The following FGF14 variants were observed in gnomAD, a reference collection of about 807,000 sequenced individuals.
FGF14 encodes fibroblast growth factor homologous factor 4.
Under a neutral mutation model 25.5 loss-of-function variants are expected in FGF14, and 5 were observed. The ratio of observed to expected loss-of-function variants is 0.20; its 90% CI spans 0.10 to 0.41. FGF14 has a LOEUF of 0.41. Ranked by LOEUF, FGF14 falls within the 10% of genes least tolerant of loss-of-function variation. FGF14 has a pLI of 1.00. For missense variants in FGF14, 222 were observed against 320.1 expected (o/e 0.69, Z 2.34); for synonymous variants, 138 against 118.3 (o/e 1.17, Z -1.08).
At chr13:101,772,342 CTGAA>C (rs1288727205) in intron 3 of FGF14, among the ~76,000 whole-genome samples, 1 of 152,008 alleles carries the variant, frequency 6.6e-6, no homozygotes, top group East Asian at 1.9e-4. Flanking sequence ...CAAATCGTCT[CTGAA>C]TGGAAAAATA....
chr13:102,048,835 C>T (rs567732643), intron 1 of FGF14, among the ~76,000 whole-genome samples: 2 of 152,264 alleles, frequency 1.3e-5, no homozygotes, highest in African/African-American at 4.8e-5. Context: ...CTTTGCTTCC[C>T]CAGCTATGGA....
chr13:101,722,646 T>G lies in FGF14; in HGVS notation c.*185A>C, dbSNP rs1490073656. Reference sequence around the variant, plus strand: ...AGTTTAGCTGGTTATCCAGGTGTCTTCTTGTTGTGGGGGGTGCAACAGGTT... The same window carrying G: ...AGTTTAGCTGGTTATCCAGGTGTCTGCTTGTTGTGGGGGGTGCAACAGGTT... On this transcript the variant is annotated 3_prime_UTR_variant, in exon 5 of 5. Transcript: ENST00000376143. 6.9e-6 allele frequency: 5 copies of G among 727,398 alleles called. No individual in the cohort carries two copies. The African/African-American group carries it at 8.8e-5, about 13-fold the overall frequency. The allele number at this position is 727,398 out of a possible 1,614,324, so 45.1% of individuals were successfully genotyped here.
At chr13:102,103,467 A>ATTTT (rs10679328) in intron 1 of FGF14, among the ~76,000 whole-genome samples, 2 of 151,666 alleles carry the variant, frequency 1.3e-5, no homozygotes, top group African/African-American at 4.8e-5. Flanking sequence ...TGAGCCCCTG[A>ATTTT]TTTTTTTTGT....
intron 2 of FGF14, among the ~76,000 whole-genome samples, chr13:101,869,467 A>T (rs771045458): frequency 6.6e-6 from 1 of 152,194 alleles, no homozygotes; most frequent in Non-Finnish European, 1.5e-5. Context: ...CATTTTATAT[A>T]TTTTTGCATA....
Position 102,022,459 on chromosome 13 carries a change from T to C in FGF14, c.209-147163A>G, listed in dbSNP as rs371820551. On this transcript the variant is annotated intron_variant, in intron 1 of 4. Transcript: ENST00000376131. ...AAACTCGCTCAAAGAGATGGCATTA[T>C]CAACCTCCCTTTTTTGTTGCTGTTT... Among the ~76,000 whole-genome samples, 11 of 152,216 alleles carry C rather than the reference T, an allele frequency of 7.2e-5. No individual in the cohort carries two copies. In the South Asian group the frequency reaches 1.9e-3, roughly 26 times the overall value.
intron 1 of FGF14, among the ~76,000 whole-genome samples, chr13:102,297,018 G>T (rs1466961004): frequency 1.3e-5 from 2 of 152,048 alleles, no homozygotes; most frequent in Non-Finnish European, 2.9e-5. Context: ...AACAAAAAAA[G>T]TAATTTTACA....
chr13:102,399,094 C>T (rs533332461), intron 1 of FGF14, among the ~76,000 whole-genome samples: 32 of 151,972 alleles, frequency 2.1e-4, no homozygotes, highest in African/African-American at 7.2e-4. Flanking sequence ...TCATTTGTTC[C>T]ACAGTTTCCA....
chr13:101,972,708 T>A (rs1372966056), intron 1 of FGF14, among the ~76,000 whole-genome samples: 1 of 152,312 alleles, frequency 6.6e-6, no homozygotes, highest in Admixed American at 6.5e-5. Flanking sequence ...GGGGTCTCGC[T>A]ATATTGCCCA....
At chr13:102,030,131 C>T (rs960573471) in intron 1 of FGF14, among the ~76,000 whole-genome samples, 3 of 152,002 alleles carry the variant, frequency 2.0e-5, no homozygotes, top group African/African-American at 7.2e-5. Flanking sequence ...ATTTATTGAA[C>T]CCCCAAATTC....
intron 1 of FGF14, among the ~76,000 whole-genome samples, chr13:102,058,596 T>C (rs113641230): frequency 2.0e-5 from 3 of 152,174 alleles, no homozygotes; most frequent in African/African-American, 7.2e-5. Flanking sequence ...AATAAAACAA[T>C]TATATTCTCC....
chr13:102,386,833 G>A lies in FGF14; in HGVS notation c.208+14638C>T, dbSNP rs937906536. On this transcript the variant is annotated intron_variant, in intron 1 of 4. Transcript: ENST00000376131. Reference sequence around the variant, plus strand: ...GTTATGTTCATACAAAATTCAAACCGTTTATTTAATGCTGCAGGATTTAGT... The same window carrying A: ...GTTATGTTCATACAAAATTCAAACCATTTATTTAATGCTGCAGGATTTAGT... Among the ~76,000 whole-genome samples the A allele has an allele frequency of 3.3e-5, 5 of 152,164 alleles. No individual in the cohort carries two copies. The South Asian group carries it at 6.2e-4, about 19-fold the overall frequency.
chr13:101,785,512 C>T (rs1382250086), intron 3 of FGF14, among the ~76,000 whole-genome samples: 1 of 152,030 alleles, frequency 6.6e-6, no homozygotes, highest in Admixed American at 6.5e-5. Flanking sequence ...GGGTTTGCAG[C>T]TGTGTCATTT....
intron 1 of FGF14, among the ~76,000 whole-genome samples, chr13:102,091,059 T>C (rs2044142694): frequency 6.6e-6 from 1 of 152,214 alleles, no homozygotes; most frequent in African/African-American, 2.4e-5. Flanking sequence ...AATATGTTAA[T>C]AGTGACATAA....
chr13:101,742,307 A>G (rs993358632), intron 3 of FGF14, among the ~76,000 whole-genome samples: 1 of 152,206 alleles, frequency 6.6e-6, no homozygotes, highest in Non-Finnish European at 1.5e-5. Context: ...CGTTCTGCAC[A>G]TGTATCCCAG....
intron 1 of FGF14, among the ~76,000 whole-genome samples, chr13:101,951,700 C>T (rs1301474133): frequency 6.6e-6 from 1 of 152,108 alleles, no homozygotes; most frequent in Non-Finnish European, 1.5e-5. Flanking sequence ...ATGTCATTCT[C>T]AAATAATAAA....
intron 3 of FGF14, among the ~76,000 whole-genome samples, chr13:101,749,175 T>C (rs979310945): frequency 2.0e-5 from 3 of 152,056 alleles, no homozygotes; most frequent in East Asian, 1.9e-4. Context: ...AGGGAAGTTG[T>C]TTGGTAGGTG....
At chr13:101,990,010 A>G (rs74108951) in intron 1 of FGF14, among the ~76,000 whole-genome samples, 3,236 of 152,142 alleles carry the variant, frequency 0.021, 93 homozygotes, top group African/African-American at 0.072. Flanking sequence ...TCTTCCAAAT[A>G]TTTTTGTCAA....
At chr13:102,255,517 T>C (rs190275689) in intron 1 of FGF14, among the ~76,000 whole-genome samples, 2 of 152,286 alleles carry the variant, frequency 1.3e-5, no homozygotes, top group South Asian at 2.1e-4. Flanking sequence ...AAAGAGGCTG[T>C]CATGTACAAT....
intron 1 of FGF14, among the ~76,000 whole-genome samples, chr13:102,255,996 T>C (rs2052417616): frequency 1.3e-5 from 2 of 152,090 alleles, no homozygotes; most frequent in South Asian, 4.2e-4. Context: ...TTGAATTTGA[T>C]AATAATTAAA....
Sources: allele counts gnomAD v4.1 joint callset (sites outside exome capture counted in the v4.1 genomes callset), GRCh38; gene constraint gnomAD v4.1.1; transcripts MANE v1.5; gene names NCBI Gene and HGNC (gene_info 2026-07-23, HGNC 2026-07-21).